Variants in PTPRD observed in about 807,000 individuals in gnomAD.
The protein encoded by PTPRD is receptor-type tyrosine-protein phosphatase delta.
A neutral mutation model predicts 214.5 loss-of-function variants in PTPRD; 34 were observed. The ratio of observed to expected loss-of-function variants is 0.16; its 90% CI spans 0.12 to 0.21. The LOEUF is 0.21. Ranked by LOEUF, PTPRD falls within the 10% of genes least tolerant of loss-of-function variation. PTPRD has a pLI of 1.00. For missense variants in PTPRD, 2,545 were observed against 2,398.7 expected (o/e 1.06, Z -1.27); for synonymous variants, 1,128 against 845.7 (o/e 1.33, Z -5.79).
chr9:9,158,510 G>T (rs947384324), intron 10 of PTPRD, among the ~76,000 whole-genome samples: 7 of 152,120 alleles, frequency 4.6e-5, no homozygotes, highest in African/African-American at 1.7e-4. Flanking sequence ...TGAGGCGGGA[G>T]AATTGCTTGA....
intron 3 of PTPRD, among the ~76,000 whole-genome samples, chr9:10,046,428 C>T (rs887592473): frequency 4.6e-5 from 7 of 151,702 alleles, no homozygotes; most frequent in Non-Finnish European, 7.4e-5. Flanking sequence ...AAAATATGGA[C>T]GTTTAAAACC....
chr9:10,126,942 T>C (rs941910115), intron 3 of PTPRD, among the ~76,000 whole-genome samples: 8 of 134,304 alleles, frequency 6.0e-5, no homozygotes, highest in African/African-American at 2.1e-4. Flanking sequence ...GAGTCTCAAA[T>C]GGACTTTTTT....
At chr9:8,542,479 TGAG>T (rs1311001335) in intron 14 of PTPRD, among the ~76,000 whole-genome samples, 1 of 152,164 alleles carries the variant, frequency 6.6e-6, no homozygotes, top group Non-Finnish European at 1.5e-5. Context: ...ATTTTGAAGA[TGAG>T]GAATGAAGGA....
chr9:9,415,233 T>C (rs1437880391), intron 8 of PTPRD, among the ~76,000 whole-genome samples: 2 of 152,088 alleles, frequency 1.3e-5, no homozygotes, highest in Non-Finnish European at 2.9e-5. Flanking sequence ...CCCAGCACTT[T>C]GGGAGACGAA....
chr9:9,727,591 T>C (rs777412191), intron 7 of PTPRD, among the ~76,000 whole-genome samples: 12 of 152,196 alleles, frequency 7.9e-5, no homozygotes, highest in Non-Finnish European at 1.8e-4. Flanking sequence ...TTAACACTCT[T>C]AGTGTCAATT....
In PTPRD at chr9:9,973,114, T is replaced by TTC. The variant is rs112572009; in HGVS notation, c.-471-34506_-471-34505dup. Among the ~76,000 whole-genome samples, 1,475 of 150,490 alleles carry TTC rather than the reference T, an allele frequency of 9.8e-3. 16 individuals carry two copies. Among genetic ancestry groups the TTC allele is most frequent in the African/African-American group, 0.029 (1,214 of 41,224 alleles). ...ACTCCTACCAGAAGGGAATAGTCAT[T>TTC]TCTCTCTCTCTCTCTCCAACAGGGT... On this transcript the variant is annotated intron_variant, in intron 4 of 45. Coordinates refer to ENST00000381196, the MANE Select transcript of PTPRD (RefSeq NM_002839.4).
chr9:9,805,052 T>C (rs1251404276), intron 5 of PTPRD, among the ~76,000 whole-genome samples: 1 of 152,114 alleles, frequency 6.6e-6, no homozygotes, highest in African/African-American at 2.4e-5. Flanking sequence ...ATAGGGACTT[T>C]GAAGTTAAGT....
intron 10 of PTPRD, among the ~76,000 whole-genome samples, chr9:9,075,372 T>C (rs1210177329): frequency 1.3e-5 from 2 of 152,158 alleles, no homozygotes; most frequent in Non-Finnish European, 2.9e-5. Flanking sequence ...CCGTTGTACT[T>C]TCAAATACTA....
At chr9:9,606,215 ATAGACT>A (rs2094143883) in intron 7 of PTPRD, among the ~76,000 whole-genome samples, 1 of 152,126 alleles carries the variant, frequency 6.6e-6, no homozygotes. Context: ...TAAATGCCTA[ATAGACT>A]TAGACAATTT....
At chr9:9,684,471 T>C (rs1237881298) in intron 7 of PTPRD, among the ~76,000 whole-genome samples, 2 of 151,682 alleles carry the variant, frequency 1.3e-5, no homozygotes, top group Admixed American at 1.3e-4. Flanking sequence ...CTCATTTAGA[T>C]GGTCTTTGTC....
intron 12 of PTPRD, among the ~76,000 whole-genome samples, chr9:8,675,465 ATTTC>A (rs1402641244): frequency 1.5e-5 from 2 of 129,768 alleles, no homozygotes; most frequent in Non-Finnish European, 3.1e-5. Context: ...GTAATCCTGT[ATTTC>A]TTTATGTCAT....
intron 11 of PTPRD, among the ~76,000 whole-genome samples, chr9:8,739,874 A>G: frequency 6.6e-6 from 1 of 152,062 alleles, no homozygotes; most frequent in East Asian, 1.9e-4. Flanking sequence ...CGTAAGGGGG[A>G]GTTTCCGGGC....
At chr9:9,962,971 T>G (rs1248563139) in intron 4 of PTPRD, among the ~76,000 whole-genome samples, 3 of 151,976 alleles carry the variant, frequency 2.0e-5, no homozygotes, top group African/African-American at 4.8e-5. Context: ...AGTAATAGTA[T>G]AGTAGTACCA....
At chr9:9,984,549 T>C (rs929689783) in intron 4 of PTPRD, among the ~76,000 whole-genome samples, 2 of 152,114 alleles carry the variant, frequency 1.3e-5, no homozygotes, top group East Asian at 3.8e-4. Flanking sequence ...TAGGTGGGTG[T>C]ATGGGTACAC....
At chr9:9,893,080 G>A (rs1047992015) in intron 5 of PTPRD, among the ~76,000 whole-genome samples, 2 of 151,958 alleles carry the variant, frequency 1.3e-5, no homozygotes, top group African/African-American at 4.8e-5. Context: ...TGAAGTTCAG[G>A]AGAGTGCTTC....
Position 10,312,873 on chromosome 9 carries a change from A to C in PTPRD, c.-545+28090T>G, listed in dbSNP as rs572570566. ...TGAAATGTAATTTTATGAAATATAA[A>C]ATTTCTTGTCATCTAGATTACTTTT... is the stretch of plus-strand genomic sequence containing the variant. On this transcript the variant is annotated intron_variant, in intron 3 of 45. Transcript: ENST00000381196. Among the ~76,000 whole-genome samples the C allele has an allele frequency of 1.0e-3, 152 of 152,042 alleles. No homozygotes were observed. The Middle Eastern group carries it at 0.02, about 20-fold the overall frequency.
chr9:8,601,460 T>C lies in PTPRD; in HGVS notation c.352+31857A>G, dbSNP rs2094856876. Among the ~76,000 whole-genome samples, 2 of 152,194 alleles carry C rather than the reference T, an allele frequency of 1.3e-5. 1 individual carries two copies. Among genetic ancestry groups the C allele is most frequent in the Admixed American group, 1.3e-4 (2 of 15,282 alleles). On this transcript the variant is annotated intron_variant, in intron 14 of 45. Transcript: ENST00000381196. ...CTCAGTGCTATTCTTGCTTCAGCTATGACACAGCATAGTCCCAGTGGTGAT... is the reference window on the plus strand; with the variant it reads ...CTCAGTGCTATTCTTGCTTCAGCTACGACACAGCATAGTCCCAGTGGTGAT...
chr9:8,584,153 C>T (rs951741945), intron 14 of PTPRD, among the ~76,000 whole-genome samples: 1 of 151,800 alleles, frequency 6.6e-6, no homozygotes, highest in Admixed American at 6.6e-5. Context: ...GATCCTGTCT[C>T]AAAATTTTTA....
chr9:9,455,726 T>C (rs1233585389), intron 8 of PTPRD, among the ~76,000 whole-genome samples: 2 of 151,642 alleles, frequency 1.3e-5, no homozygotes, highest in African/African-American at 4.8e-5. Context: ...GGCAAAAGCA[T>C]GGAATAGGTT....
Sources: gnomAD v4.1 joint callset for allele counts (sites outside exome capture counted in the v4.1 genomes callset) on GRCh38, gnomAD v4.1.1 for gene constraint, MANE v1.5 for transcripts, NCBI Gene and HGNC (gene_info 2026-07-23, HGNC 2026-07-21) for gene names.